The following GPAT3 variants were observed in gnomAD, a reference collection of about 807,000 sequenced individuals.
GPAT3 encodes the protein glycerol-3-phosphate acyltransferase 3, also known as 1-AGP acyltransferase 9.
A neutral mutation model predicts 58.8 loss-of-function variants in GPAT3; 53 were observed. The ratio of observed to expected loss-of-function variants is 0.90; its 90% CI spans 0.72 to 1.13. The LOEUF (loss-of-function observed/expected upper bound fraction) is 1.13. GPAT3 is among the 50% of genes most tolerant of loss of function. GPAT3 has a pLI of 0.00. For synonymous variants in GPAT3, 197 were observed against 187.4 expected, an observed-to-expected ratio of 1.05 and a Z score of -0.42; for missense variants, 511 against 527.6, an observed-to-expected ratio of 0.97 and a Z score of 0.31.
chr4:83,562,168 T>C (rs1725147814), intron 2 of GPAT3, among the ~76,000 whole-genome samples: 1 of 75,304 alleles, frequency 1.3e-5, no homozygotes, highest in South Asian at 4.2e-4. Context: ...GATTTCTAGT[T>C]ATTTTATATA....
chr4:83,597,366 A>T, intron 8 of GPAT3, 64 bp from the exon 9 acceptor site: 1 of 883,152 alleles, frequency 1.1e-6, no homozygotes, highest in Non-Finnish European at 1.6e-6. Flanking sequence ...AATTTCTTTT[A>T]AAATTTATTT....
intron 2 of GPAT3, among the ~76,000 whole-genome samples, chr4:83,559,469 G>A (rs913448568): frequency 2.0e-5 from 3 of 152,016 alleles, no homozygotes; most frequent in African/African-American, 4.8e-5. Context: ...GATTACAGGC[G>A]CATGCTGCCA....
chr4:83,536,307 G>C lies in GPAT3; in HGVS notation c.-316G>C. On this transcript the variant is annotated 5_prime_UTR_variant, in exon 1 of 12. Transcript: ENST00000264409. ...GCTCGCGCGCTCTGCCCGCGCCGCG[G>C]TGTGCCTCCGCTTACCCGCAGCTCC... 1 of 1,084,714 alleles carries C rather than the reference G, an allele frequency of 9.2e-7. No individual in the cohort carries two copies. Among genetic ancestry groups the C allele is most frequent in the South Asian group, 4.0e-5 (1 of 24,854 alleles). The allele number at this position is 1,084,714 out of a possible 1,614,324, so 67.2% of individuals were successfully genotyped here.
intron 2 of GPAT3, among the ~76,000 whole-genome samples, chr4:83,554,546 C>T (rs144122211): frequency 6.6e-6 from 1 of 152,226 alleles, no homozygotes; most frequent in Non-Finnish European, 1.5e-5. Flanking sequence ...ATTGGCCCCA[C>T]TGTTCCATAT....
intron 5 of GPAT3, among the ~76,000 whole-genome samples, chr4:83,589,855 G>A (rs1726526795): frequency 6.6e-6 from 1 of 152,174 alleles, no homozygotes; most frequent in Non-Finnish European, 1.5e-5. Context: ...ACTTTGGGAA[G>A]CCGAGTGGGG....
chr4:83,554,955 C>T (rs1448184933), intron 2 of GPAT3, among the ~76,000 whole-genome samples: 2 of 152,022 alleles, frequency 1.3e-5, no homozygotes, highest in Non-Finnish European at 2.9e-5. Flanking sequence ...AGGTGTACGC[C>T]ACCATGCCCG....
chr4:83,555,105 C>T (rs1724901747), intron 2 of GPAT3, among the ~76,000 whole-genome samples: 1 of 152,030 alleles, frequency 6.6e-6, no homozygotes, highest in Non-Finnish European at 1.5e-5. Flanking sequence ...CGCCTGGCCT[C>T]CTCTTCTGAG....
In GPAT3 at chr4:83,605,033, C is replaced by A; in HGVS notation, c.*266C>A. Reference sequence around the variant, plus strand: ...TGTAAAATGATGGCATCACTGTGGACTGAATGAAATATTTGTATAGAAAAA... The same window carrying A: ...TGTAAAATGATGGCATCACTGTGGAATGAATGAAATATTTGTATAGAAAAA... On this transcript the variant is annotated 3_prime_UTR_variant, in exon 12 of 12. Transcript: ENST00000264409. The A allele has an allele frequency of 3.5e-6, 1 of 283,742 alleles. No homozygotes were observed. Among genetic ancestry groups the A allele is most frequent in the East Asian group, 6.7e-5 (1 of 14,956 alleles). 17.6% of individuals were successfully genotyped at this position (283,742 alleles called of 1,614,324 possible). A position where few individuals can be genotyped will look rare whatever the true frequency, so the allele number is the denominator to read the frequency against.
Position 83,579,081 on chromosome 4 carries a change from C to CCTTTCCTTCCTT in GPAT3, c.209-2480_209-2479insTTTCCTTCCTTC, listed in dbSNP as rs1560621462. On this transcript the variant is annotated intron_variant, in intron 2 of 11. Coordinates refer to ENST00000264409, the MANE Select transcript of GPAT3 (RefSeq NM_032717.5). ...TTCTTTCTTTCTTTCTTTCTTTCTT[C>CCTTTCCTTCCTT]CCTTCCTTCCTTCCTTCCTTCCTTC... Among the ~76,000 whole-genome samples the CCTTTCCTTCCTT allele has an allele frequency of 2.5e-3, 49 of 19,680 alleles. 4 individuals carry two copies. The highest frequency in any genetic ancestry group is 3.0e-3 in the Non-Finnish European group (32 of 10,552). 12.9% of individuals were successfully genotyped at this position (19,680 alleles called of 152,430 possible). A position where few individuals can be genotyped will look rare whatever the true frequency, so the allele number is the denominator to read the frequency against.
Position 83,598,549 on chromosome 4 carries a change from A to G in GPAT3, c.1126-95A>G, listed in dbSNP as rs1578201084. The G allele has an allele frequency of 2.8e-6, 3 of 1,056,104 alleles. No individual in the cohort carries two copies. The East Asian group carries it at 7.2e-5, about 25-fold the overall frequency. The allele number at this position is 1,056,104 out of a possible 1,614,324, so 65.4% of individuals were successfully genotyped here. On this transcript the variant is annotated intron_variant, in intron 10 of 11. Transcript: ENST00000264409. ...AGAAAGCATTTGAGCTGAAATATGA[A>G]TCTTATATTTTAAAACAAATACAAA...
At chr4:83,562,847 C>T (rs1345620995) in intron 2 of GPAT3, among the ~76,000 whole-genome samples, 1 of 151,656 alleles carries the variant, frequency 6.6e-6, no homozygotes, top group African/African-American at 2.4e-5. Flanking sequence ...TATATATTCT[C>T]TCCTCATTCT....
intron 2 of GPAT3, among the ~76,000 whole-genome samples, chr4:83,551,623 C>G (rs1481201856): frequency 1.3e-5 from 2 of 151,770 alleles, no homozygotes; most frequent in Admixed American, 1.3e-4. Context: ...GAAACCCGGT[C>G]TCTACTAAAA....
At chr4:83,543,613 C>T (rs1341623027) in intron 1 of GPAT3, among the ~76,000 whole-genome samples, 1 of 151,826 alleles carries the variant, frequency 6.6e-6, no homozygotes, top group Non-Finnish European at 1.5e-5. Context: ...GATCATTTTC[C>T]GTAGTTCATG....
chr4:83,553,598 A>G lies in GPAT3; in HGVS notation c.208+8996A>G, dbSNP rs1724833911. 2.0e-5 allele frequency among the ~76,000 whole-genome samples: 3 copies of G among 151,984 alleles called. No individual in the cohort carries two copies. In the South Asian group the frequency reaches 6.2e-4, roughly 32 times the overall value. Reference sequence around the variant, plus strand: ...GTTTGAAAAAGTTGAGTGAGAACTGAGATTCAAAGATTATTTGAGGCCGGG... The same window carrying G: ...GTTTGAAAAAGTTGAGTGAGAACTGGGATTCAAAGATTATTTGAGGCCGGG... On this transcript the variant is annotated intron_variant, in intron 2 of 11. Coordinates refer to ENST00000264409, the MANE Select transcript of GPAT3 (RefSeq NM_032717.5).
intron 10 of GPAT3, 66 bp downstream of exon 10, chr4:83,598,245 G>A: frequency 6.4e-7 from 1 of 1,567,132 alleles, no homozygotes; most frequent in Non-Finnish European, 8.6e-7. Context: ...GAAAATCTGG[G>A]TGTCTCCCTT....
chr4:83,552,441 A>T (rs1232097783), intron 2 of GPAT3, among the ~76,000 whole-genome samples: 4 of 152,172 alleles, frequency 2.6e-5, no homozygotes, highest in Non-Finnish European at 5.9e-5. Context: ...TATCGTTAGC[A>T]TGATTTTAGT....
chr4:83,588,683 C>G (rs1315713877), intron 5 of GPAT3, among the ~76,000 whole-genome samples: 3 of 152,152 alleles, frequency 2.0e-5, no homozygotes, highest in Non-Finnish European at 4.4e-5. Flanking sequence ...AGCCATGTCT[C>G]TCTGATTTTA....
At chr4:83,552,332 G>A (rs1724786678) in intron 2 of GPAT3, among the ~76,000 whole-genome samples, 1 of 152,166 alleles carries the variant, frequency 6.6e-6, no homozygotes, top group South Asian at 2.1e-4. Flanking sequence ...ATTGCCAGTT[G>A]TCCCCTGGGG....
At chr4:83,552,826 C>A (rs964185371) in intron 2 of GPAT3, among the ~76,000 whole-genome samples, 4 of 151,986 alleles carry the variant, frequency 2.6e-5, no homozygotes, top group African/African-American at 9.7e-5. Flanking sequence ...GGAGGTGGGG[C>A]CTTTGGGAGG....
Sources: gnomAD v4.1 joint callset for allele counts (sites outside exome capture counted in the v4.1 genomes callset) on GRCh38, gnomAD v4.1.1 for gene constraint, MANE v1.5 for transcripts, NCBI Gene and HGNC (gene_info 2026-07-23, HGNC 2026-07-21) for gene names.